The following ATP6V1C1 variants were observed in gnomAD, a reference collection of about 807,000 sequenced individuals.
ATP6V1C1 encodes V-type proton ATPase subunit C 1.
In ATP6V1C1, 45 loss-of-function variants were observed where a neutral mutation model predicts 53.9. That is an observed-to-expected ratio of 0.83 (90% CI 0.66 to 1.07). The LOEUF (loss-of-function observed/expected upper bound fraction) is 1.07, where lower values mean the gene tolerates loss of function less well. ATP6V1C1 is among the 50% of genes least tolerant of loss of function. The pLI is 0.00. For missense variants in ATP6V1C1, 315 were observed against 440.3 expected (o/e 0.72, Z 2.55); for synonymous variants, 153 against 155.2 (o/e 0.99, Z 0.11).
intron 11 of ATP6V1C1, among the ~76,000 whole-genome samples, chr8:103,065,152 C>G (rs576843376): frequency 1.3e-5 from 2 of 152,108 alleles, no homozygotes; most frequent in Non-Finnish European, 2.9e-5. Flanking sequence ...ATGCTAATGA[C>G]TTATTGAAAT....
At chr8:103,031,088 C>G (rs919374715) in intron 1 of ATP6V1C1, among the ~76,000 whole-genome samples, 1 of 152,110 alleles carries the variant, frequency 6.6e-6, no homozygotes. Flanking sequence ...ACAGCAAAGT[C>G]CAGTGATACA....
intron 1 of ATP6V1C1, among the ~76,000 whole-genome samples, chr8:103,028,107 CAT>C (rs1396845484): frequency 6.6e-6 from 1 of 152,078 alleles, no homozygotes; most frequent in African/African-American, 2.4e-5. Flanking sequence ...TGTAAGTAGA[CAT>C]GTGGGAGAAG....
intron 6 of ATP6V1C1, among the ~76,000 whole-genome samples, chr8:103,053,085 T>G (rs1817227959): frequency 6.6e-6 from 1 of 152,162 alleles, no homozygotes; most frequent in African/African-American, 2.4e-5. Context: ...TTTATCCATT[T>G]GATATTTCAC....
At chr8:103,055,600 GC>G (rs1817276894) in intron 7 of ATP6V1C1, among the ~76,000 whole-genome samples, 1 of 152,076 alleles carries the variant, frequency 6.6e-6, no homozygotes, top group Non-Finnish European at 1.5e-5. Context: ...TCTATACTGT[GC>G]TTTACTTCCT....
chr8:103,066,504 G>A (rs1817493568), intron 12 of ATP6V1C1, 57 bp downstream of exon 12: 1 of 1,475,310 alleles, frequency 6.8e-7, no homozygotes, highest in East Asian at 2.4e-5. Context: ...GAAAAAAAAT[G>A]ATTGAAAGAA....
At chr8:103,045,865 C>T (rs547437457) in intron 3 of ATP6V1C1, among the ~76,000 whole-genome samples, 2 of 151,814 alleles carry the variant, frequency 1.3e-5, no homozygotes, top group South Asian at 2.1e-4. Context: ...GGTGTGAACT[C>T]GGGAGGCGGA....
chr8:103,045,873 G>A (rs998645261), intron 3 of ATP6V1C1, among the ~76,000 whole-genome samples: 20 of 152,020 alleles, frequency 1.3e-4, no homozygotes, highest in Non-Finnish European at 7.4e-5. Flanking sequence ...CTCGGGAGGC[G>A]GAGCTTGCAG....
intron 4 of ATP6V1C1, among the ~76,000 whole-genome samples, chr8:103,049,444 G>A (rs916497155): frequency 6.6e-6 from 1 of 152,036 alleles, no homozygotes; most frequent in African/African-American, 2.4e-5. Flanking sequence ...CTTAATACCC[G>A]TAAAATAGCC....
chr8:103,029,165 C>G (rs1816749607), intron 1 of ATP6V1C1, among the ~76,000 whole-genome samples: 1 of 151,932 alleles, frequency 6.6e-6, no homozygotes, highest in Non-Finnish European at 1.5e-5. Flanking sequence ...ATCGGCATAG[C>G]TAGGCCAAAG....
intron 1 of ATP6V1C1, among the ~76,000 whole-genome samples, chr8:103,027,683 A>G (rs973571489): frequency 2.1e-5 from 3 of 145,032 alleles, no homozygotes; most frequent in Admixed American, 6.9e-5. Context: ...TTTCCCTTCC[A>G]TGTTGAAAAA....
chr8:103,033,141 G>A (rs35242416), intron 1 of ATP6V1C1, among the ~76,000 whole-genome samples: 39,483 of 152,124 alleles, frequency 0.26, 5,934 homozygotes, highest in Admixed American at 0.39. Context: ...CTAATCTATA[G>A]TAACAGAAAG....
chr8:103,029,772 G>A (rs1021514518), intron 1 of ATP6V1C1, among the ~76,000 whole-genome samples: 7 of 149,244 alleles, frequency 4.7e-5, no homozygotes, highest in South Asian at 2.1e-4. Context: ...TTGCTTTGTC[G>A]CCCAGGCTGG....
In ATP6V1C1 at chr8:103,042,404, A is replaced by C; in HGVS notation, c.197A>C (p.Glu66Ala). The C allele has an allele frequency of 6.2e-7, 1 of 1,613,990 alleles. No homozygotes were observed. Among genetic ancestry groups the C allele is most frequent in the East Asian group, 2.2e-5 (1 of 44,858 alleles). The change falls in exon 3 of 13, where the codon GAA (glutamate) becomes GCA (alanine). Residue 66 changes from glutamate (E) to alanine (A), a missense_variant. Physicochemically the swap from Glu to Ala is moderately radical, Grantham distance 107. Coordinates refer to ENST00000518738, the MANE Select transcript of ATP6V1C1 (RefSeq NM_001695.5). Reference sequence around the variant, plus strand: ...CTGGCTAAACTGGATGCATTTGTAGAAGGGTAATGTACTTATATGCATGGA... The same window carrying C: ...CTGGCTAAACTGGATGCATTTGTAGCAGGGTAATGTACTTATATGCATGGA... The part of the protein sequence containing the change: ...DELAKLDAFV[E>A]GVVKKVAQYM...
chr8:103,050,556 T>A (rs1052030924), intron 4 of ATP6V1C1, among the ~76,000 whole-genome samples: 1 of 152,316 alleles, frequency 6.6e-6, no homozygotes, highest in South Asian at 2.1e-4. Flanking sequence ...GCTCTACATG[T>A]TTTATTCTTT....
chr8:103,048,266 C>T (rs976399226), intron 3 of ATP6V1C1, among the ~76,000 whole-genome samples: 2 of 152,070 alleles, frequency 1.3e-5, no homozygotes, highest in African/African-American at 4.8e-5. Context: ...TTTTTTCCCC[C>T]CTAAAGTAAT....
At chr8:103,027,491 C>A (rs1816719302) in intron 1 of ATP6V1C1, among the ~76,000 whole-genome samples, 2 of 151,920 alleles carry the variant, frequency 1.3e-5, no homozygotes, top group South Asian at 2.1e-4. Context: ...TTATAACCAA[C>A]CCCCCCTCAC....
chr8:103,021,624 TGTTGGGGGGGGCGCGGGTGTCGGGG>T (rs1816591126), intron 1 of ATP6V1C1, among the ~76,000 whole-genome samples: 1 of 114,884 alleles, frequency 8.7e-6, no homozygotes, highest in South Asian at 3.4e-4. Flanking sequence ...ACTGGGTGTG[TGTTGGGGGGGGCGCGGGTGTCGGGG>T]GTCGGGGGTG....
intron 7 of ATP6V1C1, among the ~76,000 whole-genome samples, chr8:103,054,981 G>T (rs1563607738): frequency 6.6e-6 from 1 of 151,978 alleles, no homozygotes; most frequent in Non-Finnish European, 1.5e-5. Flanking sequence ...CAGTATGCTA[G>T]AAAAAATTTT....
chr8:103,051,024 G>T (rs1817191477), intron 4 of ATP6V1C1, 26 bp from the exon 5 acceptor site: 3 of 1,459,188 alleles, frequency 2.1e-6, no homozygotes, highest in South Asian at 2.3e-5. Flanking sequence ...TTTTTCTTCA[G>T]TAATTAATTT....
Sources: allele counts gnomAD v4.1 joint callset (sites outside exome capture counted in the v4.1 genomes callset), GRCh38; gene constraint gnomAD v4.1.1; transcripts MANE v1.5; gene names NCBI Gene and HGNC (gene_info 2026-07-23, HGNC 2026-07-21).